The following ASMTL variants were observed in gnomAD, a reference collection of about 807,000 sequenced individuals.
ASMTL encodes probable bifunctional dTTP/UTP pyrophosphatase/methyltransferase protein.
ASMTL carries 57 observed loss-of-function variants against 60.3 expected under a neutral mutation model. The ratio of observed to expected loss-of-function variants is 0.95; its 90% CI spans 0.76 to 1.18. The LOEUF is 1.18. Ranked by LOEUF, ASMTL falls within the 50% of genes most tolerant of loss-of-function variation. The probability of loss-of-function intolerance (pLI) is 0.00; values close to 1 mark genes in which losing one functional copy is unlikely to be tolerated. For synonymous variants in ASMTL, 419 were observed against 373.0 expected (o/e 1.12, Z -1.42); for missense variants, 981 against 852.6 (o/e 1.15, Z -1.88).
At chrX:1,419,795 G>C (rs2090423287) in intron 9 of ASMTL, among the ~76,000 whole-genome samples, 1 of 152,210 alleles carries the variant, frequency 6.6e-6, no homozygotes, top group Non-Finnish European at 1.5e-5. Flanking sequence ...GCCCTCCCCT[G>C]CGTGGGTGGC....
chrX:1,435,254 A>T, intron 4 of ASMTL, 171 bp from the exon 5 acceptor site: 1 of 716,816 alleles, frequency 1.4e-6, no homozygotes, highest in South Asian at 1.7e-5. Context: ...CTTTACGGAG[A>T]GGCCGAGGGA....
At chrX:1,407,706 A>C in intron 12 of ASMTL, among the ~76,000 whole-genome samples, 1 of 151,806 alleles carries the variant, frequency 6.6e-6, no homozygotes, top group South Asian at 2.1e-4. Flanking sequence ...CAACATAGTG[A>C]GACCCTGTCT....
At chrX:1,446,593 A>G (rs1271388959) in intron 1 of ASMTL, among the ~76,000 whole-genome samples, 56 of 146,422 alleles carry the variant, frequency 3.8e-4, no homozygotes, top group Admixed American at 3.4e-3. Flanking sequence ...TCTGCCTCCC[A>G]GGTTCAAGCG....
Position 1,427,768 on chromosome X carries a change from A to G in ASMTL, c.863T>C (p.Leu288Pro). The change falls in exon 7 of 13, where the codon CTC (leucine) becomes CCC (proline). Residue 288 changes from leucine to proline, a missense_variant. Coordinates refer to ENST00000381317, the MANE Select transcript of ASMTL (RefSeq NM_004192.4). Reference sequence around the variant, plus strand: ...CATAAAGCCCTCAATCAGCTCCAGGAGGCGTGTCGGGAACGGAGGCAGGGT... The same window carrying G: ...CATAAAGCCCTCAATCAGCTCCAGGGGGCGTGTCGGGAACGGAGGCAGGGT... ...RETLPPFPTRLLELIEGFMLS... is the reference protein window; with the variant it reads ...RETLPPFPTRPLELIEGFMLS... 1 of 1,612,762 alleles carries G rather than the reference A, an allele frequency of 6.2e-7. No homozygotes were observed. Among genetic ancestry groups the G allele is most frequent in the Non-Finnish European group, 8.5e-7 (1 of 1,179,420 alleles).
In ASMTL at chrX:1,419,099, T is replaced by C. The variant is rs1443675291; in HGVS notation, c.1261A>G (p.Ser421Gly). The change falls in exon 10 of 13, where the codon AGC (serine) becomes GGC (glycine). Residue 421 changes from serine to glycine, a missense_variant. Transcript: ENST00000381317. ...ATGAACCTCAGCCGCGTCTCCGGGC[T>C]CTGGTAGTACGCATCCTGGAACACA... ...EDLFQDAYYQSPETRLRFMRA... is the reference protein window; with the variant it reads ...EDLFQDAYYQGPETRLRFMRA... 1 of 1,611,270 alleles carries C rather than the reference T, an allele frequency of 6.2e-7. No homozygotes were observed. Among genetic ancestry groups the C allele is most frequent in the Non-Finnish European group, 8.5e-7 (1 of 1,179,544 alleles).
chrX:1,417,751 CAG>C (rs60409932), intron 11 of ASMTL, among the ~76,000 whole-genome samples: 1 of 39,998 alleles, frequency 2.5e-5, no homozygotes. Flanking sequence ...TGCTCACGCA[CAG>C]ACATGCTCCA....
intron 11 of ASMTL, among the ~76,000 whole-genome samples, chrX:1,415,863 CACACAT>C (rs2149284224): frequency 6.6e-6 from 1 of 152,282 alleles, no homozygotes; most frequent in Non-Finnish European, 1.5e-5. Context: ...CACAGGCACA[CACACAT>C]ATACCCATCC....
intron 12 of ASMTL, among the ~76,000 whole-genome samples, chrX:1,411,719 G>A (rs1279680685): frequency 9.8e-6 from 1 of 101,854 alleles, no homozygotes; most frequent in Non-Finnish European, 2.0e-5. Context: ...AGCCTCCTCA[G>A]TGTGAAGACC....
chrX:1,403,542 C>T, intron 12 of ASMTL, 53 bp from the exon 13 acceptor site: 1 of 1,520,938 alleles, frequency 6.6e-7, no homozygotes, highest in Non-Finnish European at 9.1e-7. Context: ...GGGGATCCTT[C>T]AGCAGGACAC....
chrX:1,415,026 C>T (rs1343398628), intron 11 of ASMTL, among the ~76,000 whole-genome samples: 8 of 150,596 alleles, frequency 5.3e-5, no homozygotes, highest in South Asian at 2.1e-4. Context: ...CGGCAAGCTC[C>T]GCCTCCCGGG....
intron 11 of ASMTL, among the ~76,000 whole-genome samples, chrX:1,415,410 A>T (rs2090203965): frequency 7.3e-6 from 1 of 136,338 alleles, no homozygotes; most frequent in South Asian, 2.1e-4. Context: ...ACTTGCACTG[A>T]TGATAACTTC....
chrX:1,423,915 T>A (rs1366755431), intron 8 of ASMTL, among the ~76,000 whole-genome samples: 20 of 145,856 alleles, frequency 1.4e-4, no homozygotes, highest in Admixed American at 5.5e-4. Flanking sequence ...TATTCACCCA[T>A]CCACTGATGG....
At chrX:1,431,622 ATATAT>A (rs1331944282) in intron 6 of ASMTL, among the ~76,000 whole-genome samples, 1 of 139,314 alleles carries the variant, frequency 7.2e-6, no homozygotes, top group Non-Finnish European at 1.5e-5. Flanking sequence ...ATATAATACA[ATATAT>A]TATAAATATA....
chrX:1,442,515 T>C (rs1230495994), intron 1 of ASMTL, 198 bp from the exon 2 acceptor site: 1 of 186,946 alleles, frequency 5.3e-6, no homozygotes, highest in African/African-American at 2.4e-5. Flanking sequence ...CTAAGTGTGG[T>C]TAGTGGGCCG....
chrX:1,416,284 C>G (rs1203163756), intron 11 of ASMTL, among the ~76,000 whole-genome samples: 1 of 149,404 alleles, frequency 6.7e-6, no homozygotes, highest in African/African-American at 2.5e-5. Flanking sequence ...CACCAACAGA[C>G]AGGCACGCAC....
At chrX:1,450,618 G>A (rs1199600580) in intron 1 of ASMTL, among the ~76,000 whole-genome samples, 1 of 122,940 alleles carries the variant, frequency 8.1e-6, no homozygotes, top group African/African-American at 3.2e-5. Flanking sequence ...ATCCCTAGGG[G>A]TTCTGGGTCA....
At chrX:1,439,968 T>G (rs1321984772) in intron 2 of ASMTL, among the ~76,000 whole-genome samples, 1 of 152,084 alleles carries the variant, frequency 6.6e-6, no homozygotes, top group Non-Finnish European at 1.5e-5. Context: ...TGTGCAGCTT[T>G]GACCTTAGCT....
intron 7 of ASMTL, 35 bp from the exon 8 acceptor site, chrX:1,425,722 C>T: frequency 6.2e-7 from 1 of 1,603,578 alleles, no homozygotes; most frequent in Admixed American, 1.7e-5. Context: ...CTCATTAAGT[C>T]CCTTGTCCAG....
At chrX:1,427,636 G>A in intron 7 of ASMTL, 98 bp downstream of exon 7, 1 of 1,344,058 alleles carries the variant, frequency 7.4e-7, no homozygotes. Context: ...ACCTCAGACT[G>A]CCAGCCTCCA....
Sources: gnomAD v4.1 joint callset for allele counts (sites outside exome capture counted in the v4.1 genomes callset) on GRCh38, gnomAD v4.1.1 for gene constraint, MANE v1.5 for transcripts, NCBI Gene and HGNC (gene_info 2026-07-23, HGNC 2026-07-21) for gene names.